GK3: variants seen among roughly 807,000 people sequenced by gnomAD.
GK3 encodes glycerol kinase 3 pseudogene.
the GK3 span, chr4:165,278,022 T>C: frequency 2.0e-6 from 3 of 1,477,406 alleles, no homozygotes; most frequent in African/African-American, 2.8e-5. Flanking sequence ...CCGATTAACA[T>C]TGCCATGCTA....
chr4:165,278,127 C>T, the GK3 span: 16 of 1,544,028 alleles, frequency 1.0e-5, no homozygotes, highest in African/African-American at 2.7e-5. Flanking sequence ...GACTTCATCA[C>T]AGCTTTCTTC....
At chr4:165,279,446 C>T in the GK3 span, 1 of 1,600,522 alleles carries the variant, frequency 6.2e-7, no homozygotes, top group Non-Finnish European at 8.6e-7. Context: ...TTTCTCTATA[C>T]ACTCATAGAC....
Sources: gnomAD v4.1 joint callset for allele counts on GRCh38, gnomAD v4.1.1 for gene constraint, MANE v1.5 for transcripts, NCBI Gene and HGNC (gene_info 2026-07-23, HGNC 2026-07-21) for gene names.